CACNA1C: variants seen among roughly 807,000 people sequenced by gnomAD.
CACNA1C encodes voltage-dependent L-type calcium channel subunit alpha-1C.
In CACNA1C, 30 loss-of-function variants were observed where a neutral mutation model predicts 229.0. The ratio of observed to expected loss-of-function variants is 0.13; its 90% CI spans 0.10 to 0.18. The LOEUF is 0.18. Ranked by LOEUF, CACNA1C falls within the 10% of genes least tolerant of loss-of-function variation. CACNA1C has a pLI of 1.00. For synonymous variants in CACNA1C, 1,114 were observed against 1,132.5 expected (o/e 0.98, Z 0.33); for missense variants, 1,658 against 2,845.0 (o/e 0.58, Z 9.49).
chr12:2,086,769 G>A (rs888689910), intron 1 of CACNA1C, among the ~76,000 whole-genome samples: 2 of 152,174 alleles, frequency 1.3e-5, no homozygotes, highest in African/African-American at 4.8e-5. Context: ...CAGAGGGATG[G>A]TGCGTGGGAG....
At chr12:2,337,242 C>G (rs1335613721) in intron 3 of CACNA1C, among the ~76,000 whole-genome samples, 1 of 152,350 alleles carries the variant, frequency 6.6e-6, no homozygotes, top group East Asian at 1.9e-4. Context: ...GGCCCTTCCC[C>G]TGTAGAACTG....
In CACNA1C at chr12:2,175,472, A is replaced by G. The variant is rs184287441; in HGVS notation, c.477+55042A>G. On this transcript the variant is annotated intron_variant, in intron 3 of 46. Coordinates refer to ENST00000399655, the MANE Select transcript of CACNA1C (RefSeq NM_000719.7). Reference sequence around the variant, plus strand: ...ATGTTTTCTGTGACCTCGGAGTTAGATTCAGGTTCCGTTTGTTTTGAAGGG... The same window carrying G: ...ATGTTTTCTGTGACCTCGGAGTTAGGTTCAGGTTCCGTTTGTTTTGAAGGG... Among the ~76,000 whole-genome samples the G allele has an allele frequency of 3.5e-3, 533 of 150,322 alleles. 4 individuals carry two copies. The highest frequency in any genetic ancestry group is 5.5e-3 in the Admixed American group (84 of 15,154).
chr12:2,387,772 C>G (rs935333297), intron 3 of CACNA1C, among the ~76,000 whole-genome samples: 1 of 152,102 alleles, frequency 6.6e-6, no homozygotes, highest in African/African-American at 2.4e-5. Flanking sequence ...TCAGCAGCTG[C>G]AAGGAACAGA....
intron 19 of CACNA1C, among the ~76,000 whole-genome samples, chr12:2,594,576 A>G (rs57512546): frequency 0.035 from 5,293 of 152,268 alleles, 319 homozygotes; most frequent in African/African-American, 0.12. Context: ...AGTTTCTATC[A>G]ATTCCTCATC....
At chr12:2,359,418 G>A (rs1213347631) in intron 3 of CACNA1C, among the ~76,000 whole-genome samples, 2 of 152,146 alleles carry the variant, frequency 1.3e-5, no homozygotes, top group Non-Finnish European at 1.5e-5. Flanking sequence ...AGTATTTATT[G>A]TACTACCTTC....
At chr12:2,388,068 A>G (rs2098423066) in intron 3 of CACNA1C, among the ~76,000 whole-genome samples, 1 of 152,132 alleles carries the variant, frequency 6.6e-6, no homozygotes, top group African/African-American at 2.4e-5. Context: ...TGTCTCACTT[A>G]TATGTGGAAT....
intron 3 of CACNA1C, among the ~76,000 whole-genome samples, chr12:2,313,418 A>G (rs1397706533): frequency 6.6e-6 from 1 of 152,162 alleles, no homozygotes; most frequent in East Asian, 1.9e-4. Context: ...TTTGAGTTTA[A>G]TTTCTCCTGG....
At chr12:2,213,964 T>G (rs934840544) in intron 3 of CACNA1C, among the ~76,000 whole-genome samples, 28 of 121,360 alleles carry the variant, frequency 2.3e-4, no homozygotes, top group Admixed American at 9.4e-4. Context: ...TCAGCAGGGC[T>G]GAATCGCGAG....
chr12:2,270,902 TG>T (rs1412594151), intron 3 of CACNA1C, among the ~76,000 whole-genome samples: 7 of 151,958 alleles, frequency 4.6e-5, no homozygotes, highest in South Asian at 2.1e-4. Context: ...GGCTGGATGG[TG>T]GTGGGGGGTG....
chr12:1,994,405 C>A (rs78998667), intron 1 of CACNA1C, among the ~76,000 whole-genome samples: 1 of 152,198 alleles, frequency 6.6e-6, no homozygotes, highest in African/African-American at 2.4e-5. Flanking sequence ...AGCTACATAA[C>A]CACTACCAGG....
chr12:2,360,210 G>A (rs1215774356), intron 3 of CACNA1C, among the ~76,000 whole-genome samples: 1 of 91,846 alleles, frequency 1.1e-5, no homozygotes, highest in Non-Finnish European at 2.0e-5. Context: ...ACCCCACCAG[G>A]ACAAATGCAG....
chr12:2,293,887 C>T (rs1228775363), intron 3 of CACNA1C, among the ~76,000 whole-genome samples: 1 of 152,140 alleles, frequency 6.6e-6, no homozygotes, highest in Non-Finnish European at 1.5e-5. Context: ...CAGTGTCTGC[C>T]AGTGCTTACA....
chr12:2,638,354 G>A (rs1223954621), intron 30 of CACNA1C, among the ~76,000 whole-genome samples: 1 of 152,136 alleles, frequency 6.6e-6, no homozygotes, highest in Non-Finnish European at 1.5e-5. Flanking sequence ...GAGATCGGGA[G>A]AAGAGGTAGC....
chr12:2,633,176 C>G lies in CACNA1C; in HGVS notation c.3829-1121C>G, dbSNP rs2091293376. Among the ~76,000 whole-genome samples the G allele has an allele frequency of 6.6e-6, 1 of 152,226 alleles. No individual in the cohort carries two copies. The highest frequency in any genetic ancestry group is 2.4e-5 in the African/African-American group (1 of 41,456). ...CACCCATAGGACCGAGCCCGCTACC[C>G]TCTGAGGGGTCACACACCTGTGTTC... On this transcript the variant is annotated intron_variant, in intron 29 of 46. Coordinates refer to ENST00000399655, the MANE Select transcript of CACNA1C (RefSeq NM_000719.7). This position sits in a 1 kb window ranked among gnomAD's most constrained non-coding sequence, Gnocchi z 5.8.
chr12:2,217,409 A>G (rs917052278), intron 3 of CACNA1C: 1 of 152,244 alleles, frequency 6.6e-6, no homozygotes, highest in African/African-American at 2.4e-5. Flanking sequence ...TAAGATTGTA[A>G]AATTTATGTT....
rs1454253960 is a variant in CACNA1C, at chr12:2,697,264, A to G, written c.*6065A>G. On this transcript the variant is annotated 3_prime_UTR_variant, in exon 47 of 47. Coordinates refer to ENST00000399655, the MANE Select transcript of CACNA1C (RefSeq NM_000719.7). ...GGCCAGAATGCATGCTGTTCCCCCAAGCCTCGTGGGAGTGAGGCCATGGGA... is the reference window on the plus strand; with the variant it reads ...GGCCAGAATGCATGCTGTTCCCCCAGGCCTCGTGGGAGTGAGGCCATGGGA... The G allele has an allele frequency of 6.6e-6, 1 of 152,170 alleles. No individual in the cohort carries two copies. The highest frequency in any genetic ancestry group is 2.4e-5 in the African/African-American group (1 of 41,426). The allele number at this position is 152,170 out of a possible 1,614,324, so 9.4% of individuals were successfully genotyped here.
intron 1 of CACNA1C, chr12:1,993,199 T>C (rs759603743): frequency 8.8e-5 from 142 of 1,609,042 alleles, no homozygotes; most frequent in Non-Finnish European, 2.1e-5. Context: ...GCAAACACTG[T>C]ACAATTTTAA....
chr12:2,284,305 T>G (rs1414378666), intron 3 of CACNA1C, among the ~76,000 whole-genome samples: 1 of 152,082 alleles, frequency 6.6e-6, no homozygotes, highest in African/African-American at 2.4e-5. Context: ...TTTTTTTTTT[T>G]TTTTTGGTAG....
At chr12:1,993,165 C>T (rs748398736) in intron 1 of CACNA1C, 10 of 1,536,524 alleles carry the variant, frequency 6.5e-6, no homozygotes, top group Admixed American at 1.7e-5. Flanking sequence ...CCCATAGCCA[C>T]TGATACCAAA....
Sources: gnomAD v4.1 joint callset for allele counts (sites outside exome capture counted in the v4.1 genomes callset) on GRCh38, gnomAD v4.1.1 for gene constraint, Gnocchi (gnomAD v3.1) non-coding constraint, MANE v1.5 for transcripts, NCBI Gene and HGNC (gene_info 2026-07-23, HGNC 2026-07-21) for gene names.